UBR2: variants seen among roughly 807,000 people sequenced by gnomAD.
UBR2 encodes ubiquitin protein ligase E3 component n-recognin 2.
UBR2 carries 92 observed loss-of-function variants against 247.9 expected under a neutral mutation model. The ratio of observed to expected loss-of-function variants is 0.37; its 90% confidence interval spans 0.31 to 0.44. The LOEUF (loss-of-function observed/expected upper bound fraction) is 0.44. UBR2 is among the 20% of genes least tolerant of loss of function. UBR2 has a pLI of 1.00. For synonymous variants in UBR2, 672 were observed against 693.5 expected (o/e 0.97, Z 0.49); for missense variants, 1,613 against 2,112.6 (o/e 0.76, Z 4.64).
At chr6:42,609,974 A>G (rs12200153) in intron 7 of UBR2, among the ~76,000 whole-genome samples, 32,599 of 151,806 alleles carry the variant, frequency 0.21, 3,562 homozygotes, top group African/African-American at 0.25. Context: ...AGCAGTTAAG[A>G]TACCACCTCA....
At chr6:42,649,173 A>G (rs1278587021) in intron 22 of UBR2, among the ~76,000 whole-genome samples, 2 of 152,082 alleles carry the variant, frequency 1.3e-5, no homozygotes, top group Admixed American at 6.5e-5. Flanking sequence ...ACACCTGGCT[A>G]ATTTTTGTAT....
Position 42,641,594 on chromosome 6 carries a change from C to A in UBR2, c.1933C>A (p.Pro645Thr). The A allele has an allele frequency of 6.3e-7, 1 of 1,590,602 alleles. No homozygotes were observed. The highest frequency in any genetic ancestry group is 2.3e-5 in the East Asian group (1 of 43,516). The change falls in exon 17 of 47, where the codon CCA (proline) becomes ACA (threonine). Residue 645 changes from proline (P) to threonine (T), a missense_variant. Transcript: ENST00000372901. ...TTTGTATATATAGAGTGAACTTAGC[C>A]CACCCATGTTGATAGAACACCCTCT... ...PELLPLSELS[P>T]PMLIEHPLRC...
In UBR2 at chr6:42,567,178, C is replaced by CT. The variant is rs1790828792; in HGVS notation, c.78+2785dup. Among the ~76,000 whole-genome samples, 4 of 151,754 alleles carry CT rather than the reference C, an allele frequency of 2.6e-5. No individual in the cohort carries two copies. In the South Asian group the frequency reaches 8.4e-4, roughly 32 times the overall value. On this transcript the variant is annotated intron_variant, in intron 1 of 46. Transcript: ENST00000372901. ...CTTTCCACATTTCATTTACACACCG[C>CT]TTTTCTTATTCCTGTTATAAGGAGG... is the stretch of plus-strand genomic sequence containing the variant.
intron 4 of UBR2, among the ~76,000 whole-genome samples, chr6:42,601,828 A>G (rs900725916): frequency 6.6e-6 from 1 of 150,728 alleles, no homozygotes; most frequent in East Asian, 1.9e-4. Flanking sequence ...CTCTAGACCC[A>G]TCTGTTTTAG....
At position 42,594,288 on chromosome 6, in the gene UBR2, A is replaced by G; in HGVS notation, c.515A>G (p.Glu172Gly). 1.2e-6 allele frequency: 2 copies of G among 1,608,352 alleles called. No individual in the cohort carries two copies. The highest frequency in any genetic ancestry group is 1.7e-6 in the Non-Finnish European group (2 of 1,176,440). ...YCQKHELNTSEIEEEEDPLVH... is the reference protein window; with the variant it reads ...YCQKHELNTSGIEEEEDPLVH... ...CAAAAACATGAACTTAACACCTCTG[A>G]AATTGAGGAAGAAGAGGTAAAAACA... The change falls in exon 4 of 47, where the codon GAA (glutamate) becomes GGA (glycine). Residue 172 changes from glutamate to glycine, a missense_variant. By Grantham distance (98) the Glu-to-Gly change is moderately conservative. Around this residue, in one of 3 missense-constraint regions of UBR2, gnomAD observed 1,524 missense variants for 1,967.3 expected, o/e 0.77. Coordinates refer to ENST00000372901, the MANE Select transcript of UBR2 (RefSeq NM_001363705.2).
At chr6:42,580,278 T>C (rs564624543) in intron 2 of UBR2, among the ~76,000 whole-genome samples, 2 of 152,320 alleles carry the variant, frequency 1.3e-5, no homozygotes, top group Admixed American at 6.5e-5. Context: ...ATGAGTCTTA[T>C]GTTCTTATTT....
intron 4 of UBR2, among the ~76,000 whole-genome samples, chr6:42,595,402 G>A (rs760565317): frequency 5.3e-5 from 8 of 152,188 alleles, no homozygotes; most frequent in Middle Eastern, 3.4e-3. Flanking sequence ...ACTCAAGTAC[G>A]TCTACATTGT....
chr6:42,618,487 T>G (rs1794698030), intron 11 of UBR2, among the ~76,000 whole-genome samples: 1 of 152,210 alleles, frequency 6.6e-6, no homozygotes, highest in Non-Finnish European at 1.5e-5. Flanking sequence ...TGTTAAAGGA[T>G]ATATTCTAAT....
intron 13 of UBR2, among the ~76,000 whole-genome samples, chr6:42,633,163 T>TTTG (rs78126394): frequency 0.21 from 31,726 of 149,616 alleles, 3,345 homozygotes; most frequent in Middle Eastern, 0.24. Context: ...GCCCAGCTTC[T>TTTG]TTGTTGTTGT....
chr6:42,652,199 T>A lies in UBR2; in HGVS notation c.2614+128T>A, dbSNP rs181028128. On this transcript the variant is annotated intron_variant, in intron 24 of 46. Transcript: ENST00000372901. Reference sequence around the variant, plus strand: ...ATGTAAGCTTTCCTAGTGAATAACCTCCTATTCAGAGGAATAATAAATATG... The same window carrying A: ...ATGTAAGCTTTCCTAGTGAATAACCACCTATTCAGAGGAATAATAAATATG... 2.5e-3 allele frequency: 2,286 copies of A among 923,114 alleles called. 7 individuals carry two copies. The highest frequency in any genetic ancestry group is 3.4e-3 in the Non-Finnish European group (2,108 of 614,994). 57.2% of individuals were successfully genotyped at this position (923,114 alleles called of 1,614,324 possible).
chr6:42,670,208 G>C lies in UBR2; in HGVS notation c.3998G>C (p.Trp1333Ser), dbSNP rs1489287608. The C allele has an allele frequency of 6.2e-7, 1 of 1,614,126 alleles. No homozygotes were observed. The highest frequency in any genetic ancestry group is 1.1e-5 in the South Asian group (1 of 91,076). ...GATCCTCGTGTTCCCATAATGTGTTGGGGTAGCTGCGCGTACACCATCCAA... is the reference window on the plus strand; with the variant it reads ...GATCCTCGTGTTCCCATAATGTGTTCGGGTAGCTGCGCGTACACCATCCAA... ...EEDPRVPIMC[W>S]GSCAYTIQSI... The change falls in exon 35 of 47, where the codon TGG becomes TCG. Residue 1333 changes from tryptophan to serine, a missense_variant. Trp to Ser is a radical substitution (Grantham distance 177). Transcript: ENST00000372901.
Position 42,691,352 on chromosome 6 carries a change from A to C in UBR2, c.*179A>C. 1 of 810,630 alleles carries C rather than the reference A, an allele frequency of 1.2e-6. No individual in the cohort carries two copies. The highest frequency in any genetic ancestry group is 1.9e-6 in the Non-Finnish European group (1 of 528,338). The allele number at this position is 810,630 out of a possible 1,614,324, so 50.2% of individuals were successfully genotyped here. ...ATCTTCCATCAGCAGATTTTCTTGC[A>C]CTGTTTGCTGTGCCCCTCAAATATA... is the stretch of plus-strand genomic sequence containing the variant. On this transcript the variant is annotated 3_prime_UTR_variant, in exon 47 of 47. Transcript: ENST00000372901.
intron 38 of UBR2, 83 bp downstream of exon 38, chr6:42,674,276 C>A: frequency 7.9e-7 from 1 of 1,272,596 alleles, no homozygotes; most frequent in Non-Finnish European, 1.1e-6. Context: ...TAGTGGCAGA[C>A]AGGAAGGAGT....
At chr6:42,626,234 A>G (rs969488686) in intron 11 of UBR2, among the ~76,000 whole-genome samples, 1 of 152,036 alleles carries the variant, frequency 6.6e-6, no homozygotes, top group African/African-American at 2.4e-5. Flanking sequence ...ATTTCTTTAT[A>G]GATTATTAGA....
chr6:42,614,439 C>CGTACATACATACGTATATATGTCTGTAT (rs1562312402), intron 8 of UBR2, among the ~76,000 whole-genome samples: 2 of 91,994 alleles, frequency 2.2e-5, no homozygotes, highest in South Asian at 3.5e-4. Flanking sequence ...TATGTATGTA[C>CGTACATACATACGTATATATGTCTGTAT]GTACATATAT....
At chr6:42,630,103 TAGTAGTAGC>T (rs1463495676) in intron 11 of UBR2, among the ~76,000 whole-genome samples, 1 of 151,352 alleles carries the variant, frequency 6.6e-6, no homozygotes, top group African/African-American at 2.4e-5. Context: ...ACCATCGTAG[TAGTAGTAGC>T]AGTAGTAGTA....
intron 2 of UBR2, among the ~76,000 whole-genome samples, chr6:42,582,948 A>T (rs1428642617): frequency 6.6e-6 from 1 of 151,978 alleles, no homozygotes; most frequent in Non-Finnish European, 1.5e-5. Flanking sequence ...TTGCCCATTC[A>T]TCCAGCTTCT....
intron 11 of UBR2, 27 bp from the exon 12 acceptor site, chr6:42,632,525 A>G: frequency 6.4e-7 from 1 of 1,567,644 alleles, no homozygotes; most frequent in Non-Finnish European, 8.6e-7. Context: ...TTTGATTACC[A>G]TGCACTCTGA....
At chr6:42,589,976 G>T (rs1302017703) in intron 2 of UBR2, among the ~76,000 whole-genome samples, 1 of 152,018 alleles carries the variant, frequency 6.6e-6, no homozygotes, top group Non-Finnish European at 1.5e-5. Flanking sequence ...ATTCTCTTGA[G>T]GTTTGTTTTT....
Sources: allele counts gnomAD v4.1 joint callset (sites outside exome capture counted in the v4.1 genomes callset), GRCh38; gene constraint gnomAD v4.1.1; regional missense constraint gnomAD v4.1.1; transcripts MANE v1.5; gene names NCBI Gene and HGNC (gene_info 2026-07-23, HGNC 2026-07-21).